HECW2: variants seen among roughly 807,000 people sequenced by gnomAD.
The protein encoded by HECW2 is HECT, C2 and WW domain containing E3 ubiquitin protein ligase 2, also known as E3 ubiquitin-protein ligase HECW2.
In HECW2, 61 loss-of-function variants were observed where a neutral mutation model predicts 175.2. The ratio of observed to expected loss-of-function variants is 0.35; its 90% confidence interval spans 0.28 to 0.43. The LOEUF (loss-of-function observed/expected upper bound fraction) is 0.43. HECW2 is among the 20% of genes least tolerant of loss of function. HECW2 has a pLI of 1.00. For missense variants in HECW2, 1,524 were observed against 2,000.5 expected (o/e 0.76, Z 4.54); for synonymous variants, 671 against 731.0 (o/e 0.92, Z 1.32).
chr2:196,286,322 T>C (rs1290810151), intron 14 of HECW2, among the ~76,000 whole-genome samples: 1 of 151,054 alleles, frequency 6.6e-6, no homozygotes, highest in African/African-American at 2.4e-5. Flanking sequence ...TTAGGTGGAG[T>C]AGAAGTGCAT....
chr2:196,381,279 C>T (rs1173341622), intron 2 of HECW2, among the ~76,000 whole-genome samples: 1 of 152,144 alleles, frequency 6.6e-6, no homozygotes, highest in Admixed American at 6.5e-5. Context: ...GTCATCCCTC[C>T]TACTAGAAAA....
intron 26 of HECW2, among the ~76,000 whole-genome samples, chr2:196,218,419 C>A (rs1687552307): frequency 6.6e-6 from 1 of 152,158 alleles, no homozygotes; most frequent in South Asian, 2.1e-4. Flanking sequence ...ATAAGATTTA[C>A]AATAACCATA....
intron 1 of HECW2, among the ~76,000 whole-genome samples, chr2:196,560,422 C>T (rs1339349260): frequency 5.3e-5 from 8 of 152,238 alleles, no homozygotes; most frequent in South Asian, 2.1e-4. Flanking sequence ...GCTGGGATTA[C>T]GGGCCTGAGC....
At chr2:196,590,129 C>G (rs1436213786) in intron 1 of HECW2, among the ~76,000 whole-genome samples, 1 of 152,074 alleles carries the variant, frequency 6.6e-6, no homozygotes, top group Non-Finnish European at 1.5e-5. Flanking sequence ...ATTCAGGATT[C>G]CTTAATATCT....
chr2:196,214,486 T>G (rs1229623670), intron 28 of HECW2, among the ~76,000 whole-genome samples: 7 of 152,230 alleles, frequency 4.6e-5, no homozygotes, highest in Non-Finnish European at 1.0e-4. Context: ...AAAGCCTTAT[T>G]CAGATAGGCT....
intron 1 of HECW2, among the ~76,000 whole-genome samples, chr2:196,458,879 C>A (rs529052703): frequency 2.5e-4 from 38 of 151,808 alleles, no homozygotes; most frequent in African/African-American, 7.8e-4. Flanking sequence ...ACAACAACAA[C>A]AAAAAAGATA....
chr2:196,254,150 C>T, intron 18 of HECW2, 121 bp from the exon 19 acceptor site: 1 of 1,400,338 alleles, frequency 7.1e-7, no homozygotes, highest in Non-Finnish European at 9.5e-7. Flanking sequence ...GAGCATCCGC[C>T]CCCTTTCTCT....
chr2:196,331,404 C>T (rs1261424565), intron 4 of HECW2: 9 of 444,810 alleles, frequency 2.0e-5, no homozygotes, highest in East Asian at 1.6e-4. Flanking sequence ...GACACACCCT[C>T]GGTAACCTGC....
At chr2:196,262,525 C>T (rs17231419) in intron 17 of HECW2, among the ~76,000 whole-genome samples, 30,258 of 151,978 alleles carry the variant, frequency 0.2, 3,473 homozygotes, top group Middle Eastern at 0.26. Flanking sequence ...ACTTAAATTC[C>T]TTTTGAAACA....
chr2:196,434,955 G>A (rs989085415), intron 1 of HECW2, among the ~76,000 whole-genome samples: 1 of 152,236 alleles, frequency 6.6e-6, no homozygotes, highest in East Asian at 1.9e-4. Flanking sequence ...AGGGAAGATA[G>A]GGTTTTTTCT....
intron 1 of HECW2, among the ~76,000 whole-genome samples, chr2:196,548,014 T>C (rs1012055100): frequency 6.6e-6 from 1 of 152,082 alleles, no homozygotes; most frequent in Non-Finnish European, 1.5e-5. Flanking sequence ...ATGCAACTCA[T>C]TGCTTAAGTA....
chr2:196,226,539 T>C (rs1575252413), intron 22 of HECW2, among the ~76,000 whole-genome samples: 2 of 152,210 alleles, frequency 1.3e-5, no homozygotes, highest in African/African-American at 4.8e-5. Context: ...TCACTGCATA[T>C]CAACAATGTA....
intron 1 of HECW2, among the ~76,000 whole-genome samples, chr2:196,481,314 A>G (rs1348534169): frequency 3.9e-5 from 6 of 152,168 alleles, no homozygotes; most frequent in Admixed American, 3.3e-4. Context: ...CCTTTTTAGG[A>G]GCCATAGGCT....
intron 2 of HECW2, 151 bp from the exon 3 acceptor site, chr2:196,343,915 T>C (rs999729862): frequency 1.7e-6 from 1 of 574,374 alleles, no homozygotes; most frequent in Non-Finnish European, 3.1e-6. Flanking sequence ...AGCAGAGTAT[T>C]ACCCGAGTTT....
intron 1 of HECW2, among the ~76,000 whole-genome samples, chr2:196,455,235 T>C (rs1457866681): frequency 6.6e-6 from 1 of 152,212 alleles, no homozygotes; most frequent in African/African-American, 2.4e-5. Context: ...GGTTTCACCA[T>C]GTTGGCCAGG....
Position 196,274,098 on chromosome 2 carries a change from C to G in HECW2, c.3161G>C (p.Gly1054Ala). 6.2e-7 allele frequency: 1 copy of G among 1,614,054 alleles called. No homozygotes were observed. The highest frequency in any genetic ancestry group is 8.5e-7 in the Non-Finnish European group (1 of 1,179,906). Residue 1054 changes from glycine (G) to alanine (A), a missense_variant, in exon 16 of 29, where the codon GGA (glycine) becomes GCA (alanine). Physicochemically the swap from Gly to Ala is moderately conservative, Grantham distance 60. This residue lies in a region of HECW2 where 291 missense variants were observed against 412.2 expected (regional missense o/e 0.71). Transcript: ENST00000644978. ...GEVGEDSRHA[G>A]PPVLPRPSST... is the part of the protein sequence containing the mutation. ...GGATGGCCTGGGAAGAACTGGTGGTCCTGCATGTCGAGAATCTTCTCCTAC... is the reference window on the plus strand; with the variant it reads ...GGATGGCCTGGGAAGAACTGGTGGTGCTGCATGTCGAGAATCTTCTCCTAC...
intron 18 of HECW2, among the ~76,000 whole-genome samples, chr2:196,257,435 G>GA (rs5837498): frequency 0.81 from 123,289 of 152,138 alleles, 51,082 homozygotes; most frequent in Non-Finnish European, 0.91. Flanking sequence ...AGCAAAAGGG[G>GA]ACAAAACATA....
Position 196,337,797 on chromosome 2 carries a change from C to T in HECW2, c.401-3279G>A, listed in dbSNP as rs147423740. ...GTACGAACCTGTAAGGACCTGATAT[C>T]GGCTGAGCCAGGTCTAGCCTCAGGA... On this transcript the variant is annotated intron_variant, in intron 3 of 28. Coordinates refer to ENST00000644978, the MANE Select transcript of HECW2 (RefSeq NM_001348768.2). Among the ~76,000 whole-genome samples the T allele has an allele frequency of 9.2e-5, 14 of 152,100 alleles. No individual in the cohort carries two copies. In the East Asian group the frequency reaches 1.5e-3, roughly 17 times the overall value.
chr2:196,393,450 T>C (rs1222631860), intron 2 of HECW2, among the ~76,000 whole-genome samples: 1 of 138,156 alleles, frequency 7.2e-6, no homozygotes, highest in East Asian at 2.3e-4. Context: ...TAAACAAATT[T>C]ACAAGAAAAA....
Sources: gnomAD v4.1 joint callset for allele counts (sites outside exome capture counted in the v4.1 genomes callset) on GRCh38, gnomAD v4.1.1 for gene constraint, gnomAD v4.1.1 regional missense constraint, MANE v1.5 for transcripts, NCBI Gene and HGNC (gene_info 2026-07-23, HGNC 2026-07-21) for gene names.